Variants in PRDM5 observed in about 807,000 individuals in gnomAD.
The protein encoded by PRDM5 is PR domain zinc finger protein 5.
Under a neutral mutation model 81.2 loss-of-function variants are expected in PRDM5, and 56 were observed. The observed-to-expected ratio is 0.69, with a 90% CI of 0.56 to 0.86. PRDM5 has a LOEUF of 0.86. Ranked by LOEUF, PRDM5 falls within the 40% of genes least tolerant of loss-of-function variation. The probability of loss-of-function intolerance (pLI) is 0.00; values close to 1 mark genes in which losing one functional copy is unlikely to be tolerated. For missense variants in PRDM5, 697 were observed against 770.1 expected (o/e 0.91, Z 1.12); for synonymous variants, 267 against 256.4 (o/e 1.04, Z -0.39).
chr4:120,728,079 C>A (rs1739704547), intron 14 of PRDM5, among the ~76,000 whole-genome samples: 1 of 152,070 alleles, frequency 6.6e-6, no homozygotes, highest in East Asian at 1.9e-4. Context: ...ACTGCTGACC[C>A]CGGGGTGAAA....
chr4:120,841,554 G>A (rs555363697), intron 3 of PRDM5, among the ~76,000 whole-genome samples: 81 of 152,248 alleles, frequency 5.3e-4, no homozygotes, highest in Non-Finnish European at 8.7e-4. Context: ...TTAAAAAATA[G>A]TTTAAAACTT....
chr4:120,842,686 A>T (rs1287584346), intron 3 of PRDM5, among the ~76,000 whole-genome samples: 2 of 152,238 alleles, frequency 1.3e-5, no homozygotes, highest in Non-Finnish European at 2.9e-5. Context: ...AAATTTTAAA[A>T]TTTTTAAATT....
intron 3 of PRDM5, among the ~76,000 whole-genome samples, chr4:120,827,882 T>C (rs1225917949): frequency 1.3e-5 from 2 of 152,282 alleles, no homozygotes; most frequent in South Asian, 2.1e-4. Context: ...ATGTCCTCAT[T>C]GTAAAATAGA....
downstream of PRDM5, chr4:120,684,778 A>G (rs1330100961): frequency 1.3e-5 from 2 of 152,060 alleles, no homozygotes; most frequent in African/African-American, 4.8e-5. Context: ...ATGAATAATT[A>G]CATGAATAAA....
chr4:120,921,282 C>T (rs946288335), intron 1 of PRDM5, among the ~76,000 whole-genome samples: 2 of 152,214 alleles, frequency 1.3e-5, no homozygotes. Flanking sequence ...TTGATTTTAA[C>T]ATTTGGCCAT....
In PRDM5 at chr4:120,881,672, T is replaced by C. The variant is rs373862540; in HGVS notation, c.177+25802A>G. ...TTTAGGCCATGAATTGACATTTCTT[T>C]GTACATCTTGAAAACCTTTGAAAAT... On this transcript the variant is annotated intron_variant, in intron 2 of 15. Transcript: ENST00000264808. Among the ~76,000 whole-genome samples the C allele has an allele frequency of 2.3e-4, 35 of 152,324 alleles. 1 individual carries two copies. The East Asian group carries it at 6.6e-3, about 29-fold the overall frequency.
At chr4:120,710,891 A>G (rs1437657402) in intron 14 of PRDM5, among the ~76,000 whole-genome samples, 1 of 152,092 alleles carries the variant, frequency 6.6e-6, no homozygotes, top group Non-Finnish European at 1.5e-5. Flanking sequence ...TAGTGGTGTG[A>G]GAACAAACTA....
At chr4:120,738,233 A>G (rs1159167722) in intron 14 of PRDM5, among the ~76,000 whole-genome samples, 1 of 152,174 alleles carries the variant, frequency 6.6e-6, no homozygotes, top group African/African-American at 2.4e-5. Context: ...TACCTTCCTG[A>G]TGCCCCCAAA....
chr4:120,748,069 A>C (rs7661193), intron 14 of PRDM5, among the ~76,000 whole-genome samples: 21,694 of 152,238 alleles, frequency 0.14, 2,156 homozygotes, highest in Non-Finnish European at 0.21. Flanking sequence ...GTTTTGGCTC[A>C]ATGTGTCTAA....
intron 8 of PRDM5, among the ~76,000 whole-genome samples, chr4:120,809,643 T>C (rs1753550550): frequency 6.6e-6 from 1 of 152,204 alleles, no homozygotes; most frequent in Admixed American, 6.5e-5. Context: ...TAATTTAAGA[T>C]ACTAGACTAT....
At chr4:120,773,865 C>T (rs1747664454) in intron 13 of PRDM5, among the ~76,000 whole-genome samples, 1 of 152,076 alleles carries the variant, frequency 6.6e-6, no homozygotes, top group Non-Finnish European at 1.5e-5. Context: ...ATCCAGCTGT[C>T]TCCTCTTAAA....
At chr4:120,852,654 T>A (rs2149418048) in intron 3 of PRDM5, among the ~76,000 whole-genome samples, 1 of 152,016 alleles carries the variant, frequency 6.6e-6, no homozygotes, top group South Asian at 2.1e-4. Flanking sequence ...CCCTATTTTA[T>A]ATATACGTAT....
intron 1 of PRDM5, among the ~76,000 whole-genome samples, chr4:120,911,838 C>T (rs970970992): frequency 4.6e-5 from 7 of 152,044 alleles, no homozygotes; most frequent in Non-Finnish European, 8.8e-5. Flanking sequence ...ATTTGTAAGC[C>T]CATACTGTCA....
At chr4:120,794,784 C>T (rs189661683) in intron 10 of PRDM5, among the ~76,000 whole-genome samples, 81 of 152,120 alleles carry the variant, frequency 5.3e-4, no homozygotes, top group African/African-American at 1.9e-3. Flanking sequence ...CCACAACACC[C>T]GGCTAATTTT....
At chr4:120,831,887 A>G (rs1756762030) in intron 3 of PRDM5, among the ~76,000 whole-genome samples, 1 of 152,178 alleles carries the variant, frequency 6.6e-6, no homozygotes, top group South Asian at 2.1e-4. Context: ...GCCAACTTTT[A>G]TTAACTTAAC....
intron 2 of PRDM5, among the ~76,000 whole-genome samples, chr4:120,856,275 GTGC>G (rs1272295875): frequency 6.6e-6 from 1 of 152,122 alleles, no homozygotes; most frequent in East Asian, 1.9e-4. Context: ...ACAAATTTAT[GTGC>G]TGATTTATCT....
chr4:120,811,285 C>CT, intron 8 of PRDM5, 85 bp downstream of exon 8: 1 of 838,706 alleles, frequency 1.2e-6, no homozygotes, highest in South Asian at 2.2e-5. Flanking sequence ...ATCAAAATAA[C>CT]TTGGTAACTT....
intron 15 of PRDM5, among the ~76,000 whole-genome samples, chr4:120,706,790 A>G (rs1277412479): frequency 6.7e-6 from 1 of 148,314 alleles, no homozygotes; most frequent in Admixed American, 6.7e-5. Flanking sequence ...CCATTTTATC[A>G]TGGTTACCCA....
intron 3 of PRDM5, among the ~76,000 whole-genome samples, chr4:120,839,640 T>C (rs1037871083): frequency 1.2e-4 from 18 of 152,132 alleles, no homozygotes; most frequent in African/African-American, 3.6e-4. Flanking sequence ...CCCATTCTGG[T>C]CGACCGGACT....
Sources: allele counts gnomAD v4.1 joint callset (sites outside exome capture counted in the v4.1 genomes callset), GRCh38; gene constraint gnomAD v4.1.1; transcripts MANE v1.5; gene names NCBI Gene and HGNC (gene_info 2026-07-23, HGNC 2026-07-21).